The following CTNNA3 variants were observed in gnomAD, a reference collection of about 807,000 sequenced individuals.
CTNNA3 encodes the protein catenin alpha 3, also known as catenin alpha-3.
A neutral mutation model predicts 95.7 loss-of-function variants in CTNNA3; 76 were observed. The ratio of observed to expected loss-of-function variants is 0.79; its 90% CI spans 0.66 to 0.96. The LOEUF is 0.96. Ranked by LOEUF, CTNNA3 falls within the 40% of genes least tolerant of loss-of-function variation. The pLI is 0.00. For synonymous variants in CTNNA3, 431 were observed against 374.4 expected, an observed-to-expected ratio of 1.15 and a Z score of -1.74; for missense variants, 1,191 against 1,089.8, an observed-to-expected ratio of 1.09 and a Z score of -1.31.
chr10:67,203,409 A>C (rs1279423707), intron 6 of CTNNA3, among the ~76,000 whole-genome samples: 4 of 152,144 alleles, frequency 2.6e-5, no homozygotes, highest in Non-Finnish European at 5.9e-5. Flanking sequence ...GAATCAATTA[A>C]ACCTCTTTCC....
chr10:66,915,031 G>C (rs778037547), intron 7 of CTNNA3, among the ~76,000 whole-genome samples: 12 of 151,926 alleles, frequency 7.9e-5, no homozygotes, highest in Non-Finnish European at 1.5e-4. Context: ...AAAACCAAAG[G>C]ATCAATCCAG....
Position 66,471,544 on chromosome 10 carries a change from A to G in CTNNA3, c.1531+49073T>C, listed in dbSNP as rs373233281. On this transcript the variant is annotated intron_variant, in intron 11 of 17. Transcript: ENST00000433211. ...TCTTTTATGTTTTGTTTTATTTTAC[A>G]TCAACAATTTTCACGCCAGTGAATT... is the stretch of plus-strand genomic sequence containing the variant. Among the ~76,000 whole-genome samples, 59 of 151,892 alleles carry G rather than the reference A, an allele frequency of 3.9e-4. 1 individual carries two copies. In the South Asian group the frequency reaches 0.012, roughly 31 times the overall value.
At chr10:67,567,228 C>A (rs12258357) in intron 3 of CTNNA3, among the ~76,000 whole-genome samples, 8,676 of 143,992 alleles carry the variant, frequency 0.06, 263 homozygotes, top group South Asian at 0.14. Context: ...TAAAACAAGA[C>A]AATAAAAATA....
rs1162769441 is a variant in CTNNA3, at chr10:66,222,599, CGAAAGAAAGAAAGAAAGAAAGAAAAA to C, written c.1884+57845_1884+57870del. Among the ~76,000 whole-genome samples, 62 of 82,896 alleles carry C rather than the reference CGAAAGAAAGAAAGAAAGAAAGAAAAA, an allele frequency of 7.5e-4. 1 individual carries two copies. The highest frequency in any genetic ancestry group is 6.5e-3 in the Middle Eastern group (1 of 154). 54.4% of individuals were successfully genotyped at this position (82,896 alleles called of 152,430 possible). ...GAAAGAAGGAAAGAAAAAGAAAGAA[CGAAAGAAAGAAAGAAAGAAAGAAAAA>C]GAAAGAAAGAAAGAAAGAAAAGAGA... On this transcript the variant is annotated intron_variant, in intron 13 of 17. Transcript: ENST00000433211.
Position 65,920,267 on chromosome 10 carries a change from A to G in CTNNA3, c.*63T>C. 1 of 1,375,610 alleles carries G rather than the reference A, an allele frequency of 7.3e-7. No individual in the cohort carries two copies. Among genetic ancestry groups the G allele is most frequent in the Non-Finnish European group, 1.0e-6 (1 of 994,946 alleles). The allele number at this position is 1,375,610 out of a possible 1,614,324, so 85.2% of individuals were successfully genotyped here. ...TGAAATTACAGAACTTCTTAAGTGT[A>G]AAATAAAGCAGTGTGGTTAGGCAGG... On this transcript the variant is annotated 3_prime_UTR_variant, in exon 18 of 18. Transcript: ENST00000433211.
chr10:66,783,069 T>C (rs961306890), intron 7 of CTNNA3, among the ~76,000 whole-genome samples: 7 of 152,148 alleles, frequency 4.6e-5, no homozygotes, highest in African/African-American at 1.7e-4. Flanking sequence ...TAGAGTTCTC[T>C]GTTGGTATCT....
intron 2 of CTNNA3, among the ~76,000 whole-genome samples, chr10:67,611,244 A>G (rs747973458): frequency 6.6e-6 from 1 of 152,208 alleles, no homozygotes; most frequent in Non-Finnish European, 1.5e-5. Context: ...GATAAGCTTA[A>G]TGAACCAAGC....
At chr10:67,512,768 C>T (rs751272256) in intron 5 of CTNNA3, among the ~76,000 whole-genome samples, 2 of 151,536 alleles carry the variant, frequency 1.3e-5, no homozygotes, top group African/African-American at 2.4e-5. Flanking sequence ...AGGCAGATCA[C>T]AAGGTCAAGA....
intron 7 of CTNNA3, among the ~76,000 whole-genome samples, chr10:66,957,366 T>G (rs1848845378): frequency 6.9e-6 from 1 of 145,262 alleles, no homozygotes; most frequent in African/African-American, 2.5e-5. Context: ...AAGAAATATA[T>G]CCAGAATATG....
chr10:66,040,373 T>C (rs1257851989), intron 15 of CTNNA3, among the ~76,000 whole-genome samples: 3 of 152,096 alleles, frequency 2.0e-5, no homozygotes, highest in Non-Finnish European at 4.4e-5. Flanking sequence ...ATTCCATTAC[T>C]GGGTAAATAC....
chr10:67,451,158 G>T (rs913969595), intron 5 of CTNNA3, among the ~76,000 whole-genome samples: 3 of 151,968 alleles, frequency 2.0e-5, no homozygotes, highest in African/African-American at 7.3e-5. Context: ...TTCATCTAGG[G>T]TACTCACTTC....
chr10:67,308,466 T>C (rs1419430082), intron 5 of CTNNA3, among the ~76,000 whole-genome samples: 4 of 152,210 alleles, frequency 2.6e-5, no homozygotes, highest in Non-Finnish European at 5.9e-5. Flanking sequence ...ATTGTAAGAC[T>C]TCCCCAGCCA....
At chr10:66,524,980 C>T (rs906738425) in intron 10 of CTNNA3, among the ~76,000 whole-genome samples, 2 of 151,754 alleles carry the variant, frequency 1.3e-5, no homozygotes, top group Non-Finnish European at 2.9e-5. Context: ...ACCAGGGAAG[C>T]GGAGGTTGTG....
At chr10:66,881,413 G>C (rs1225323567) in intron 7 of CTNNA3, among the ~76,000 whole-genome samples, 1 of 152,100 alleles carries the variant, frequency 6.6e-6, no homozygotes, top group Non-Finnish European at 1.5e-5. Flanking sequence ...TGAATACCCT[G>C]TGTGCTGGAT....
Position 67,500,943 on chromosome 10 carries a change from T to TG in CTNNA3, c.579+20898dup, listed in dbSNP as rs535540117. Among the ~76,000 whole-genome samples the TG allele has an allele frequency of 4.9e-4, 74 of 152,340 alleles. 1 individual carries two copies. In the South Asian group the frequency reaches 0.015, roughly 30 times the overall value. On this transcript the variant is annotated intron_variant, in intron 5 of 17. Transcript: ENST00000433211. ...AATTTGCCAGTCTGTGTCTTTTAATTGGGGTATTTAGACCATTTACACTTA... is the reference window on the plus strand; with the variant it reads ...AATTTGCCAGTCTGTGTCTTTTAATTGGGGGTATTTAGACCATTTACACTTA...
chr10:67,105,689 G>A (rs1371698439), intron 7 of CTNNA3, among the ~76,000 whole-genome samples: 1 of 152,108 alleles, frequency 6.6e-6, no homozygotes, highest in Non-Finnish European at 1.5e-5. Flanking sequence ...CCACAATGGG[G>A]AGCTGGAAAT....
chr10:66,912,021 T>C (rs191058072), intron 7 of CTNNA3, among the ~76,000 whole-genome samples: 11 of 152,238 alleles, frequency 7.2e-5, no homozygotes, highest in Non-Finnish European at 1.2e-4. Context: ...TTTAACTAAA[T>C]AGAAAAAGTC....
chr10:67,214,806 G>A (rs1370677286), intron 6 of CTNNA3, among the ~76,000 whole-genome samples: 1 of 151,874 alleles, frequency 6.6e-6, no homozygotes, highest in Non-Finnish European at 1.5e-5. Flanking sequence ...ATCATTCACA[G>A]ATAATCAGTC....
chr10:66,483,865 A>C (rs1839629797), intron 11 of CTNNA3, among the ~76,000 whole-genome samples: 1 of 152,176 alleles, frequency 6.6e-6, no homozygotes, highest in Non-Finnish European at 1.5e-5. Context: ...GATTAACTTA[A>C]AAGAAGAGAA....
Sources: allele counts gnomAD v4.1 joint callset (sites outside exome capture counted in the v4.1 genomes callset), GRCh38; gene constraint gnomAD v4.1.1; transcripts MANE v1.5; gene names NCBI Gene and HGNC (gene_info 2026-07-23, HGNC 2026-07-21).